Variants in COTL1 observed in about 807,000 individuals in gnomAD.
COTL1 encodes the protein coactosin like F-actin binding protein 1.
In COTL1, 15 loss-of-function variants were observed where a neutral mutation model predicts 16.5. The observed-to-expected ratio is 0.91, with a 90% CI of 0.61 to 1.40. The LOEUF is 1.40. Among genes scored for constraint, COTL1 ranks in the 40% most tolerant of loss-of-function variants. COTL1 has a pLI of 0.00. For missense variants in COTL1, 220 were observed against 201.5 expected (o/e 1.09, Z -0.56); for synonymous variants, 112 against 85.3 (o/e 1.31, Z -1.73).
chr16:84,599,564 C>G (rs558535689), intron 2 of COTL1, among the ~76,000 whole-genome samples: 2 of 152,130 alleles, frequency 1.3e-5, no homozygotes, highest in Admixed American at 6.6e-5. Flanking sequence ...GCACCTTATA[C>G]GTTATCTGTG....
intron 2 of COTL1, among the ~76,000 whole-genome samples, chr16:84,608,436 A>G (rs1052463912): frequency 2.0e-5 from 3 of 152,236 alleles, no homozygotes; most frequent in Non-Finnish European, 2.9e-5. Flanking sequence ...ATCACCATGC[A>G]GTAGACTGAA....
chr16:84,597,130 T>A (rs1905021895), intron 2 of COTL1, among the ~76,000 whole-genome samples: 1 of 152,162 alleles, frequency 6.6e-6, no homozygotes, highest in African/African-American at 2.4e-5. Flanking sequence ...TGCATCCAGC[T>A]CTGGGTTTCA....
At position 84,566,661 on chromosome 16, in the gene COTL1, G is replaced by C; in HGVS notation, c.*184C>G. 1 of 557,430 alleles carries C rather than the reference G, an allele frequency of 1.8e-6. No homozygotes were observed. The highest frequency in any genetic ancestry group is 3.2e-6 in the Non-Finnish European group (1 of 313,236). The allele number at this position is 557,430 out of a possible 1,614,324, so 34.5% of individuals were successfully genotyped here. A position where few individuals can be genotyped will look rare whatever the true frequency, so the allele number is the denominator to read the frequency against. On this transcript the variant is annotated 3_prime_UTR_variant, in exon 4 of 4. Coordinates refer to ENST00000262428, the MANE Select transcript of COTL1 (RefSeq NM_021149.5). ...GAGGTTCCATGAGCGTCATGAGATA[G>C]GACACGGCAGGGTTCTAAGGGAAGC...
intron 3 of COTL1, among the ~76,000 whole-genome samples, chr16:84,581,512 G>C (rs1006227847): frequency 1.3e-5 from 2 of 151,788 alleles, no homozygotes; most frequent in African/African-American, 4.8e-5. Flanking sequence ...ATTTTTTGTT[G>C]TTGTTGTTGA....
chr16:84,588,243 A>T (rs1420008668), intron 3 of COTL1, among the ~76,000 whole-genome samples: 2 of 151,480 alleles, frequency 1.3e-5, no homozygotes, highest in African/African-American at 2.4e-5. Flanking sequence ...TAATAATAAT[A>T]ATTTATTTTA....
At chr16:84,582,171 T>G (rs1365174863) in intron 3 of COTL1, among the ~76,000 whole-genome samples, 3 of 151,928 alleles carry the variant, frequency 2.0e-5, no homozygotes, top group Non-Finnish European at 2.9e-5. Flanking sequence ...ATTTTTGTAT[T>G]TTTAGTAGAG....
chr16:84,612,330 T>G (rs1245781875), intron 2 of COTL1, among the ~76,000 whole-genome samples: 1 of 152,152 alleles, frequency 6.6e-6, no homozygotes, highest in Non-Finnish European at 1.5e-5. Context: ...TGCTCCTTCA[T>G]GCAGACCCGG....
intron 3 of COTL1, among the ~76,000 whole-genome samples, chr16:84,579,474 T>C (rs1904530197): frequency 6.6e-6 from 1 of 152,182 alleles, no homozygotes; most frequent in African/African-American, 2.4e-5. Flanking sequence ...GGTGACAAGA[T>C]CAAAATGCCA....
At chr16:84,589,971 G>A in intron 3 of COTL1, 134 bp downstream of exon 3, 2 of 813,504 alleles carry the variant, frequency 2.5e-6, no homozygotes, top group South Asian at 3.8e-5. Flanking sequence ...CTTTACTGGT[G>A]CAGAGACATA....
chr16:84,606,981 G>A (rs1250808008), intron 2 of COTL1, among the ~76,000 whole-genome samples: 1 of 152,166 alleles, frequency 6.6e-6, no homozygotes, highest in African/African-American at 2.4e-5. Context: ...AAAAGCCTAT[G>A]ACCCAGGATT....
chr16:84,616,330 C>G (rs911429515), intron 2 of COTL1: 8 of 152,180 alleles, frequency 5.3e-5, no homozygotes, highest in African/African-American at 1.9e-4. Flanking sequence ...GTGAAAACCC[C>G]ATCTCTACTA....
chr16:84,612,799 C>T (rs899790100), intron 2 of COTL1, among the ~76,000 whole-genome samples: 1 of 152,034 alleles, frequency 6.6e-6, no homozygotes, highest in South Asian at 2.1e-4. Flanking sequence ...CAACACACAC[C>T]GTGGCCTGTG....
chr16:84,609,722 C>T (rs1211605810), intron 2 of COTL1, among the ~76,000 whole-genome samples: 1 of 152,216 alleles, frequency 6.6e-6, no homozygotes, highest in Admixed American at 6.5e-5. Flanking sequence ...TTCCCCCATA[C>T]TGTTTTGGTG....
At chr16:84,597,454 G>A (rs1041131843) in intron 2 of COTL1, among the ~76,000 whole-genome samples, 5 of 152,316 alleles carry the variant, frequency 3.3e-5, no homozygotes, top group African/African-American at 1.2e-4. Context: ...TCAAAGTGTG[G>A]TCCTCGGACC....
chr16:84,593,742 G>A (rs952471285), intron 2 of COTL1, among the ~76,000 whole-genome samples: 16 of 152,094 alleles, frequency 1.1e-4, no homozygotes, highest in South Asian at 6.2e-4. Flanking sequence ...CTCGTGATCC[G>A]CCCACCTCGG....
At chr16:84,599,639 C>G (rs868037452) in intron 2 of COTL1, among the ~76,000 whole-genome samples, 1 of 152,030 alleles carries the variant, frequency 6.6e-6, no homozygotes, top group Admixed American at 6.6e-5. Context: ...TAGAGCAAGG[C>G]CAAAGAAAGG....
intron 3 of COTL1, among the ~76,000 whole-genome samples, chr16:84,588,847 T>C (rs564417231): frequency 7.2e-5 from 11 of 152,330 alleles, no homozygotes; most frequent in Non-Finnish European, 1.3e-4. Context: ...TGGTGATTTC[T>C]GGTATATTCA....
chr16:84,592,249 C>G (rs1183246440), intron 2 of COTL1, among the ~76,000 whole-genome samples: 1 of 152,200 alleles, frequency 6.6e-6, no homozygotes, highest in Non-Finnish European at 1.5e-5. Context: ...CCTTATTCAG[C>G]TTACTTCACA....
At chr16:84,584,663 T>C (rs971737777) in intron 3 of COTL1, among the ~76,000 whole-genome samples, 6 of 152,178 alleles carry the variant, frequency 3.9e-5, no homozygotes, top group Non-Finnish European at 5.9e-5. Flanking sequence ...AAGGAAATAA[T>C]CTACAGTGTA....
Sources: gnomAD v4.1 joint callset for allele counts (sites outside exome capture counted in the v4.1 genomes callset) on GRCh38, gnomAD v4.1.1 for gene constraint, MANE v1.5 for transcripts, NCBI Gene and HGNC (gene_info 2026-07-23, HGNC 2026-07-21) for gene names.